SLC22A16: variants seen among roughly 807,000 people sequenced by gnomAD.
The protein encoded by SLC22A16 is WUGSC:RG331P03.1.
A neutral mutation model predicts 52.9 loss-of-function variants in SLC22A16; 53 were observed. The ratio of observed to expected loss-of-function variants is 1.00; its 90% confidence interval spans 0.80 to 1.26. SLC22A16 has a LOEUF of 1.26. Among genes scored for constraint, SLC22A16 ranks in the 50% most tolerant of loss-of-function variants. The probability of loss-of-function intolerance (pLI) is 0.00; values close to 1 mark genes in which losing one functional copy is unlikely to be tolerated. For synonymous variants in SLC22A16, 291 were observed against 268.8 expected (o/e 1.08, Z -0.81); for missense variants, 726 against 704.0 (o/e 1.03, Z -0.35).
At chr6:110,452,077 A>C (rs1055297207) in intron 2 of SLC22A16, among the ~76,000 whole-genome samples, 2 of 152,196 alleles carry the variant, frequency 1.3e-5, no homozygotes, top group Non-Finnish European at 2.9e-5. Context: ...TGAATGCACA[A>C]GTCTATTCCA....
chr6:110,425,701 C>T (rs1774233495), intron 7 of SLC22A16, among the ~76,000 whole-genome samples: 1 of 152,198 alleles, frequency 6.6e-6, no homozygotes, highest in Non-Finnish European at 1.5e-5. Context: ...CTTTATTTTC[C>T]AGATTTTGAC....
rs189619682 is a variant in SLC22A16, at chr6:110,450,686, A to G, written c.534-3696T>C. Among the ~76,000 whole-genome samples, 9 of 150,710 alleles carry G rather than the reference A, an allele frequency of 6.0e-5. No individual in the cohort carries two copies. The East Asian group carries it at 1.7e-3, about 29-fold the overall frequency. ...GTCAGTTCAAAAGTCTATATTCTCC[A>G]CTGTTAGCTCCTTAAGGGTGGGATC... On this transcript the variant is annotated intron_variant, in intron 2 of 7. Coordinates refer to ENST00000368919, the MANE Select transcript of SLC22A16 (RefSeq NM_033125.4).
intron 7 of SLC22A16, among the ~76,000 whole-genome samples, chr6:110,425,566 G>A (rs982141633): frequency 1.3e-5 from 2 of 152,212 alleles, no homozygotes; most frequent in African/African-American, 2.4e-5. Context: ...ATGAATGAAT[G>A]AAAACAGGTT....
chr6:110,446,426 C>T (rs998625300), intron 3 of SLC22A16, among the ~76,000 whole-genome samples: 1 of 152,128 alleles, frequency 6.6e-6, no homozygotes, highest in Non-Finnish European at 1.5e-5. Flanking sequence ...TATGACAATG[C>T]TGGTATTCAA....
chr6:110,461,061 G>C (rs1582578650), intron 1 of SLC22A16, among the ~76,000 whole-genome samples: 1 of 152,316 alleles, frequency 6.6e-6, no homozygotes, highest in East Asian at 1.9e-4. Flanking sequence ...ATTGAAGAAA[G>C]GCTTTCTAGC....
At chr6:110,441,601 G>C (rs1774967313) in intron 4 of SLC22A16, among the ~76,000 whole-genome samples, 1 of 152,232 alleles carries the variant, frequency 6.6e-6, no homozygotes, top group African/African-American at 2.4e-5. Flanking sequence ...GAGGGCCAAA[G>C]AATGAAAATA....
At chr6:110,446,141 C>T (rs1469459822) in intron 3 of SLC22A16, among the ~76,000 whole-genome samples, 1 of 152,108 alleles carries the variant, frequency 6.6e-6, no homozygotes, top group Non-Finnish European at 1.5e-5. Flanking sequence ...TCACAAGCTC[C>T]TCCTCCAGAT....
intron 4 of SLC22A16, among the ~76,000 whole-genome samples, chr6:110,439,392 C>A (rs1178504467): frequency 6.6e-6 from 1 of 152,164 alleles, no homozygotes; most frequent in Non-Finnish European, 1.5e-5. Flanking sequence ...CCCCACCTAC[C>A]ATTGGCCACT....
At chr6:110,445,641 C>T (rs1488210564) in intron 3 of SLC22A16, among the ~76,000 whole-genome samples, 1 of 152,178 alleles carries the variant, frequency 6.6e-6, no homozygotes, top group Non-Finnish European at 1.5e-5. Flanking sequence ...ATGGGTGTGG[C>T]CTTGTTTCCT....
In SLC22A16 at chr6:110,456,942, G is replaced by C. The variant is rs1188902934; in HGVS notation, c.129C>G (p.Phe43Leu). The change falls in exon 2 of 8, where the codon TTC (phenylalanine) becomes TTG (leucine). Residue 43 changes from phenylalanine (F) to leucine (L), a missense_variant. Coordinates refer to ENST00000368919, the MANE Select transcript of SLC22A16 (RefSeq NM_033125.4). ...SCGIHYLASV[F>L]MGVTPHHVCR... is the part of the protein sequence containing the mutation. ...AGACATGATGAGGGGTGACTCCCATGAACACAGAAGCCAAGTAGTGAATAC... is the reference window on the plus strand; with the variant it reads ...AGACATGATGAGGGGTGACTCCCATCAACACAGAAGCCAAGTAGTGAATAC... The C allele has an allele frequency of 6.2e-7, 1 of 1,608,698 alleles. No individual in the cohort carries two copies. Among genetic ancestry groups the C allele is most frequent in the South Asian group, 1.1e-5 (1 of 90,066 alleles).
intron 3 of SLC22A16, among the ~76,000 whole-genome samples, chr6:110,443,353 A>G (rs1256861575): frequency 6.6e-6 from 1 of 152,196 alleles, no homozygotes; most frequent in African/African-American, 2.4e-5. Flanking sequence ...TTTTATGGAG[A>G]ACTCCTAAAA....
At chr6:110,443,490 G>C (rs752772758) in intron 3 of SLC22A16, among the ~76,000 whole-genome samples, 7 of 151,850 alleles carry the variant, frequency 4.6e-5, no homozygotes, top group Non-Finnish European at 1.0e-4. Flanking sequence ...GCTACAAAGA[G>C]ATACCCCCTC....
chr6:110,449,293 C>A (rs1027604367), intron 2 of SLC22A16, among the ~76,000 whole-genome samples: 2 of 151,818 alleles, frequency 1.3e-5, no homozygotes, highest in Non-Finnish European at 2.9e-5. Flanking sequence ...CCTGATGACC[C>A]GCCTGCCTCA....
At chr6:110,475,712 C>T (rs1776439824) in intron 1 of SLC22A16, among the ~76,000 whole-genome samples, 1 of 152,186 alleles carries the variant, frequency 6.6e-6, no homozygotes, top group South Asian at 2.1e-4. Flanking sequence ...CCGGCCATAA[C>T]GCTGCATGGC....
rs188155744 is a variant in SLC22A16 at position 110,457,305 on chromosome 6, G to A, written c.54-288C>T. On this transcript the variant is annotated intron_variant, in intron 1 of 7. Transcript: ENST00000368919. ...TCTCCAATGAGAGGAGCCAGAAAAA[G>A]TGGCTGATTCTAAAGCCAGGAAAAG... Among the ~76,000 whole-genome samples the A allele has an allele frequency of 6.3e-3, 957 of 152,268 alleles. 7 individuals carry two copies. Among genetic ancestry groups the A allele is most frequent in the Non-Finnish European group, 9.1e-3 (618 of 68,020 alleles).
intron 6 of SLC22A16, 65 bp downstream of exon 6, chr6:110,435,787 A>G: frequency 8.0e-7 from 1 of 1,247,714 alleles, no homozygotes; most frequent in Non-Finnish European, 1.1e-6. Context: ...TAAAGGCCAA[A>G]TACAATGAAA....
At chr6:110,472,955 C>A (rs950741356) in intron 1 of SLC22A16, among the ~76,000 whole-genome samples, 19 of 152,172 alleles carry the variant, frequency 1.2e-4, no homozygotes, top group African/African-American at 4.6e-4. Context: ...CTGGTGGAGT[C>A]CATCATGGCT....
intron 2 of SLC22A16, among the ~76,000 whole-genome samples, chr6:110,451,991 A>G (rs569479334): frequency 6.6e-6 from 1 of 152,228 alleles, no homozygotes; most frequent in Non-Finnish European, 1.5e-5. Flanking sequence ...ATAGCTAGAC[A>G]TCTGTCCCAG....
At chr6:110,462,198 G>A (rs772601124) in intron 1 of SLC22A16, among the ~76,000 whole-genome samples, 3 of 152,176 alleles carry the variant, frequency 2.0e-5, no homozygotes, top group Non-Finnish European at 4.4e-5. Context: ...TGGGAATTAT[G>A]GGAGTTAAAA....
Sources: allele counts gnomAD v4.1 joint callset (sites outside exome capture counted in the v4.1 genomes callset), GRCh38; gene constraint gnomAD v4.1.1; transcripts MANE v1.5; gene names NCBI Gene and HGNC (gene_info 2026-07-23, HGNC 2026-07-21).